Variants in MYO10 observed in about 807,000 individuals in gnomAD.
MYO10 encodes the protein unconventional myosin-X.
In MYO10, 133 loss-of-function variants were observed where a neutral mutation model predicts 257.3. The observed-to-expected ratio is 0.52, with a 90% CI of 0.45 to 0.60. The LOEUF (loss-of-function observed/expected upper bound fraction) is 0.60, where lower values mean the gene tolerates loss of function less well. MYO10 is among the 20% of genes least tolerant of loss of function. The pLI, the probability that MYO10 is intolerant of heterozygous loss-of-function variation, is 0.00. For missense variants in MYO10, 2,399 were observed against 2,635.7 expected (o/e 0.91, Z 1.97); for synonymous variants, 1,104 against 1,028.6 (o/e 1.07, Z -1.40).
At chr5:16,935,668 G>A (rs1027034315) in intron 1 of MYO10, 120 bp downstream of exon 1, 1 of 1,165,510 alleles carries the variant, frequency 8.6e-7, no homozygotes, top group Non-Finnish European at 1.3e-6. Context: ...GATTTCAGGA[G>A]ACTCCCAGAA....
At chr5:16,889,364 C>A (rs1744979741) in intron 1 of MYO10, among the ~76,000 whole-genome samples, 1 of 151,454 alleles carries the variant, frequency 6.6e-6, no homozygotes, top group Admixed American at 6.6e-5. Context: ...CGAGATCACG[C>A]CACTATACTC....
intron 2 of MYO10, among the ~76,000 whole-genome samples, chr5:16,856,202 C>A: frequency 6.6e-6 from 1 of 152,166 alleles, no homozygotes; most frequent in East Asian, 1.9e-4. Context: ...TGTACTGCAG[C>A]CGTCTCATCT....
intron 2 of MYO10, among the ~76,000 whole-genome samples, chr5:16,852,353 A>C (rs1418868292): frequency 6.6e-6 from 1 of 152,038 alleles, no homozygotes; most frequent in Non-Finnish European, 1.5e-5. Context: ...GTATAGAAAA[A>C]GTTCTTCTCC....
rs1736287998 is a variant in MYO10 at position 16,668,571 on chromosome 5, G to C, written c.5884-103C>G. The C allele has an allele frequency of 4.4e-6, 4 of 904,484 alleles. No individual in the cohort carries two copies. The Admixed American group carries it at 1.3e-4, about 30-fold the overall frequency. The allele number at this position is 904,484 out of a possible 1,614,324, so 56.0% of individuals were successfully genotyped here. Reference sequence around the variant, plus strand: ...TTTGAGTGAAGTCCTCTGTGCAGAAGATTAAATATATTCGATGTGCATGCA... The same window carrying C: ...TTTGAGTGAAGTCCTCTGTGCAGAACATTAAATATATTCGATGTGCATGCA... On this transcript the variant is annotated intron_variant, in intron 39 of 40. Coordinates refer to ENST00000513610, the MANE Select transcript of MYO10 (RefSeq NM_012334.3).
At chr5:16,734,332 T>C (rs1022759095) in intron 19 of MYO10, among the ~76,000 whole-genome samples, 14 of 152,190 alleles carry the variant, frequency 9.2e-5, no homozygotes, top group African/African-American at 3.4e-4. Flanking sequence ...TCCATGAATT[T>C]GATATTCCCC....
At chr5:16,791,545 T>TACACACACAC (rs71595985) in intron 4 of MYO10, among the ~76,000 whole-genome samples, 8 of 35,604 alleles carry the variant, frequency 2.2e-4, no homozygotes, top group Non-Finnish European at 3.8e-4. Context: ...AATACATACA[T>TACACACACAC]ACACACACAC....
intron 21 of MYO10, chr5:16,710,657 A>C: frequency 3.8e-6 from 2 of 523,036 alleles, no homozygotes. Context: ...ATACCCACAC[A>C]CAAACAATTA....
intron 3 of MYO10, among the ~76,000 whole-genome samples, chr5:16,806,502 G>A (rs901499083): frequency 2.6e-5 from 4 of 152,048 alleles, no homozygotes; most frequent in Non-Finnish European, 5.9e-5. Flanking sequence ...AATTAGCTGG[G>A]CGTGGTGGCG....
intron 28 of MYO10, among the ~76,000 whole-genome samples, chr5:16,686,630 G>A (rs927332852): frequency 6.6e-6 from 1 of 152,008 alleles, no homozygotes; most frequent in African/African-American, 2.4e-5. Flanking sequence ...CGCCTCCCGG[G>A]TTCAAGTGAT....
rs3993832 is a variant in MYO10, at chr5:16,706,310, TAC to T, written c.2170-1627_2170-1626del. ...ATACATATACATGAGAATATATATATACACACACACACACTCTGTTGGTGCAG... is the reference window on the plus strand; with the variant it reads ...ATACATATACATGAGAATATATATATACACACACACACTCTGTTGGTGCAG... On this transcript the variant is annotated intron_variant, in intron 21 of 40. Coordinates refer to ENST00000513610, the MANE Select transcript of MYO10 (RefSeq NM_012334.3). Among the ~76,000 whole-genome samples, 474 of 151,832 alleles carry T rather than the reference TAC, an allele frequency of 3.1e-3. 1 individual carries two copies. The highest frequency in any genetic ancestry group is 5.0e-3 in the African/African-American group (208 of 41,392).
chr5:16,723,153 G>T (rs181659902), intron 19 of MYO10, among the ~76,000 whole-genome samples: 4 of 151,600 alleles, frequency 2.6e-5, no homozygotes, highest in African/African-American at 9.8e-5. Flanking sequence ...GAGGCAGGCG[G>T]ATCACGAGGT....
intron 1 of MYO10, among the ~76,000 whole-genome samples, chr5:16,914,054 G>A (rs926243850): frequency 1.3e-5 from 2 of 152,182 alleles, no homozygotes; most frequent in African/African-American, 4.8e-5. Flanking sequence ...TGGTGGGGCA[G>A]GAAAAGCAAA....
chr5:16,678,172 T>G (rs982333794), intron 33 of MYO10, among the ~76,000 whole-genome samples: 3 of 152,216 alleles, frequency 2.0e-5, no homozygotes, highest in Non-Finnish European at 4.4e-5. Context: ...TTTTACTCCT[T>G]TCAGAAGAAA....
chr5:16,771,818 C>G (rs939760760), intron 9 of MYO10, among the ~76,000 whole-genome samples: 6 of 151,384 alleles, frequency 4.0e-5, no homozygotes, highest in African/African-American at 1.5e-4. Context: ...TGCGCTCAAG[C>G]AATCTGCCCA....
chr5:16,918,405 T>C (rs1745883779), intron 1 of MYO10, among the ~76,000 whole-genome samples: 1 of 150,990 alleles, frequency 6.6e-6, no homozygotes, highest in Non-Finnish European at 1.5e-5. Context: ...TAGACGAAAC[T>C]CCAAAAAAAT....
rs533120125 is a variant in MYO10 at position 16,827,038 on chromosome 5, A to G, written c.121-8871T>C. ...CCAAGAAGAGTCTAAGAAGAAAACAATCCACCTAACTGCAAATCTGCCTTT... is the reference window on the plus strand; with the variant it reads ...CCAAGAAGAGTCTAAGAAGAAAACAGTCCACCTAACTGCAAATCTGCCTTT... On this transcript the variant is annotated intron_variant, in intron 2 of 40. Transcript: ENST00000513610. 2.6e-5 allele frequency among the ~76,000 whole-genome samples: 4 copies of G among 152,290 alleles called. No individual in the cohort carries two copies. The South Asian group carries it at 6.2e-4, about 24-fold the overall frequency.
intron 3 of MYO10, among the ~76,000 whole-genome samples, chr5:16,815,664 T>C (rs1340224996): frequency 6.6e-6 from 1 of 152,166 alleles, no homozygotes; most frequent in Non-Finnish European, 1.5e-5. Flanking sequence ...AAACAAATAG[T>C]TACACGACAG....
chr5:16,703,843 T>C (rs1019289355), intron 22 of MYO10, among the ~76,000 whole-genome samples: 4 of 136,806 alleles, frequency 2.9e-5, no homozygotes, highest in Admixed American at 2.5e-4. Context: ...GATCGCACCA[T>C]TGCACTCCAG....
chr5:16,829,131 G>A (rs1449277143), intron 2 of MYO10, among the ~76,000 whole-genome samples: 1 of 152,162 alleles, frequency 6.6e-6, no homozygotes, highest in Non-Finnish European at 1.5e-5. Flanking sequence ...ATCCATGTGG[G>A]ACAGGTAATG....
Sources: allele counts gnomAD v4.1 joint callset (sites outside exome capture counted in the v4.1 genomes callset), GRCh38; gene constraint gnomAD v4.1.1; transcripts MANE v1.5; gene names NCBI Gene and HGNC (gene_info 2026-07-23, HGNC 2026-07-21).